Variants in GALNT13 observed in about 807,000 individuals in gnomAD.
The protein encoded by GALNT13 is UDP-GalNAc:polypeptide N-acetylgalactosaminyltransferase 13.
A neutral mutation model predicts 64.2 loss-of-function variants in GALNT13; 28 were observed. That is an observed-to-expected ratio of 0.44 (90% CI 0.32 to 0.60). The LOEUF is 0.60. Among genes scored for constraint, GALNT13 ranks in the 20% least tolerant of loss-of-function variants. GALNT13 has a pLI of 0.05. For missense variants in GALNT13, 577 were observed against 669.8 expected, an observed-to-expected ratio of 0.86 and a Z score of 1.53; for synonymous variants, 214 against 224.6, an observed-to-expected ratio of 0.95 and a Z score of 0.42.
At chr2:153,568,089 A>G in the GALNT13 span, among the ~76,000 whole-genome samples, 2 of 152,240 alleles carry the variant, frequency 1.3e-5, no homozygotes, top group East Asian at 1.9e-4. Context: ...AAATTCTCGA[A>G]TAATAGATTG....
intron 3 of GALNT13, among the ~76,000 whole-genome samples, chr2:154,048,134 C>T (rs552877887): frequency 6.6e-6 from 1 of 152,256 alleles, no homozygotes; most frequent in East Asian, 1.9e-4. Flanking sequence ...ATGGCTAGAG[C>T]AGCAGGAAGA....
chr2:153,952,543 A>G (rs887853107), intron 3 of GALNT13, among the ~76,000 whole-genome samples: 2 of 152,174 alleles, frequency 1.3e-5, no homozygotes, highest in Non-Finnish European at 2.9e-5. Flanking sequence ...ACAATGGGAA[A>G]GGATCTGCTT....
the GALNT13 span, among the ~76,000 whole-genome samples, chr2:153,119,654 CTG>C: frequency 6.6e-6 from 1 of 152,304 alleles, no homozygotes; most frequent in East Asian, 1.9e-4. Flanking sequence ...TTTTCTGAAA[CTG>C]TGACAAGCCA....
Position 154,451,746 on chromosome 2 carries a change from T to A in GALNT13, c.*1195T>A, listed in dbSNP as rs147872879. 2 of 152,008 alleles carry A rather than the reference T, an allele frequency of 1.3e-5. No individual in the cohort carries two copies. Among genetic ancestry groups the A allele is most frequent in the East Asian group, 3.9e-4 (2 of 5,178 alleles). The allele number at this position is 152,008 out of a possible 1,614,324, so 9.4% of individuals were successfully genotyped here. ...GTTCAAAATACATTAGCAGAGGCCA[T>A]GAAAGTGAAAAAAAATCAGATTTTT... On this transcript the variant is annotated 3_prime_UTR_variant, in exon 13 of 13. Transcript: ENST00000392825.
At chr2:154,428,777 A>ATTTTTTTTTTTTTTTTTTTTTTTTTT (rs70983722) in intron 11 of GALNT13, among the ~76,000 whole-genome samples, 1 of 139,654 alleles carries the variant, frequency 7.2e-6, no homozygotes. Flanking sequence ...ATGATCAGTG[A>ATTTTTTTTTTTTTTTTTTTTTTTTTT]TTTTTTTTTT....
chr2:153,397,646 C>CAA, the GALNT13 span, among the ~76,000 whole-genome samples: 5 of 130,836 alleles, frequency 3.8e-5, no homozygotes, highest in Non-Finnish European at 5.0e-5. Flanking sequence ...TCTATGAAGG[C>CAA]AAAAAAAAAA....
At chr2:154,317,139 G>A (rs894451035) in intron 9 of GALNT13, among the ~76,000 whole-genome samples, 1 of 151,810 alleles carries the variant, frequency 6.6e-6, no homozygotes, top group Non-Finnish European at 1.5e-5. Flanking sequence ...CTTGAACCTG[G>A]GAGGCAGAGG....
the GALNT13 span, among the ~76,000 whole-genome samples, chr2:153,111,623 A>C: frequency 0.026 from 3,962 of 152,206 alleles, 168 homozygotes; most frequent in African/African-American, 0.09. Flanking sequence ...TCTCAGCTCA[A>C]TTTGGGTACA....
At chr2:153,407,033 C>T in the GALNT13 span, among the ~76,000 whole-genome samples, 1 of 151,964 alleles carries the variant, frequency 6.6e-6, no homozygotes, top group Admixed American at 6.6e-5. Context: ...ACAATTAAAA[C>T]AATAAATATA....
chr2:154,392,363 A>G (rs1190299918), intron 9 of GALNT13, among the ~76,000 whole-genome samples: 1 of 152,192 alleles, frequency 6.6e-6, no homozygotes, highest in Non-Finnish European at 1.5e-5. Context: ...AGGAAGAGGA[A>G]TTGATCAACA....
At chr2:153,884,803 A>ATGTGTGTG (rs764301374) in intron 1 of GALNT13, among the ~76,000 whole-genome samples, 5 of 132,832 alleles carry the variant, frequency 3.8e-5, no homozygotes, top group African/African-American at 1.6e-4. Context: ...GTATATATAT[A>ATGTGTGTG]TATGTGTGTG....
chr2:153,231,215 A>G, the GALNT13 span, among the ~76,000 whole-genome samples: 45 of 152,154 alleles, frequency 3.0e-4, no homozygotes, highest in Non-Finnish European at 5.6e-4. Context: ...TTCTTCTCTC[A>G]CCCCAAACCA....
chr2:153,797,184 C>G, the GALNT13 span, among the ~76,000 whole-genome samples: 2 of 152,178 alleles, frequency 1.3e-5, no homozygotes, highest in Admixed American at 1.3e-4. Flanking sequence ...AATGGCAAGT[C>G]TGTTAGATGT....
At chr2:153,309,369 T>A in the GALNT13 span, among the ~76,000 whole-genome samples, 1 of 152,194 alleles carries the variant, frequency 6.6e-6, no homozygotes, top group Non-Finnish European at 1.5e-5. Context: ...GTACAAGTCC[T>A]GTCCCCTTCT....
the GALNT13 span, among the ~76,000 whole-genome samples, chr2:153,696,395 C>T: frequency 1.3e-5 from 2 of 152,144 alleles, no homozygotes; most frequent in African/African-American, 4.8e-5. Context: ...GAGTCTGCCT[C>T]TCTCAGTCCA....
chr2:153,594,127 A>G, the GALNT13 span, among the ~76,000 whole-genome samples: 1 of 152,144 alleles, frequency 6.6e-6, no homozygotes, highest in Non-Finnish European at 1.5e-5. Context: ...TCTGAAATCT[A>G]AAAGTCAAAT....
chr2:154,290,741 T>G (rs1258724921), intron 8 of GALNT13, among the ~76,000 whole-genome samples: 2 of 152,188 alleles, frequency 1.3e-5, no homozygotes, highest in Non-Finnish European at 2.9e-5. Context: ...CAGTGAGTGT[T>G]ACAGTTCTTA....
At chr2:153,756,460 C>T in the GALNT13 span, among the ~76,000 whole-genome samples, 1 of 152,094 alleles carries the variant, frequency 6.6e-6, no homozygotes, top group Non-Finnish European at 1.5e-5. Flanking sequence ...TTTCAGTTTA[C>T]TTTTGTATCC....
At chr2:154,146,704 T>C (rs1683623280) in intron 4 of GALNT13, among the ~76,000 whole-genome samples, 1 of 152,062 alleles carries the variant, frequency 6.6e-6, no homozygotes, top group African/African-American at 2.4e-5. Flanking sequence ...AAGAGCAACC[T>C]TTATTAGCAG....
Sources: allele counts gnomAD v4.1 joint callset (sites outside exome capture counted in the v4.1 genomes callset), GRCh38; gene constraint gnomAD v4.1.1; transcripts MANE v1.5; gene names NCBI Gene and HGNC (gene_info 2026-07-23, HGNC 2026-07-21).